FNBP1: variants seen among roughly 807,000 people sequenced by gnomAD.
FNBP1 encodes formin binding protein 1.
FNBP1 carries 26 observed loss-of-function variants against 90.6 expected under a neutral mutation model. That is an observed-to-expected ratio of 0.29 (90% CI 0.21 to 0.40). The LOEUF (loss-of-function observed/expected upper bound fraction) is 0.40. Ranked by LOEUF, FNBP1 falls within the 10% of genes least tolerant of loss-of-function variation. FNBP1 has a pLI of 1.00. For missense variants in FNBP1, 635 were observed against 768.0 expected (o/e 0.83, Z 2.05); for synonymous variants, 260 against 265.2 (o/e 0.98, Z 0.19).
intron 1 of FNBP1, among the ~76,000 whole-genome samples, chr9:130,025,892 C>G (rs1011905407): frequency 2.6e-5 from 4 of 151,984 alleles, no homozygotes; most frequent in Admixed American, 2.6e-4. Context: ...CCACTGCACT[C>G]CAGCCTGGGT....
At position 130,043,095 on chromosome 9, in the gene FNBP1, C is replaced by A; in HGVS notation, c.-120G>T. 2 of 905,370 alleles carry A rather than the reference C, an allele frequency of 2.2e-6. No homozygotes were observed. The highest frequency in any genetic ancestry group is 3.4e-5 in the East Asian group (1 of 29,568). 56.1% of individuals were successfully genotyped at this position (905,370 alleles called of 1,614,324 possible). A position where few individuals can be genotyped will look rare whatever the true frequency, so the allele number is the denominator to read the frequency against. ...GGCGGAAAGCCCGGAGTCCGCGCGG[C>A]CTCCTCCGGCTCGCAGCTCCTCGCC... On this transcript the variant is annotated 5_prime_UTR_variant, in exon 1 of 17. Transcript: ENST00000446176.
chr9:129,935,326 T>A (rs1167359318), intron 6 of FNBP1, among the ~76,000 whole-genome samples: 1 of 151,954 alleles, frequency 6.6e-6, no homozygotes, highest in African/African-American at 2.4e-5. Context: ...TCCTTAATAT[T>A]TCAAAATATT....
upstream of FNBP1, among the ~76,000 whole-genome samples, chr9:130,047,071 C>A (rs550794690): frequency 3.3e-5 from 5 of 152,076 alleles, no homozygotes; most frequent in Non-Finnish European, 7.4e-5. Context: ...TTTGTGATAT[C>A]TGACACTATC....
chr9:129,954,798 A>C (rs1470933879), intron 6 of FNBP1, among the ~76,000 whole-genome samples: 7 of 152,176 alleles, frequency 4.6e-5, no homozygotes, highest in Non-Finnish European at 8.8e-5. Context: ...GGAGTTTGAG[A>C]CCAGCCTGGC....
intron 11 of FNBP1, among the ~76,000 whole-genome samples, chr9:129,913,887 GTT>G (rs10718855): frequency 4.0e-5 from 6 of 148,876 alleles, no homozygotes; most frequent in Admixed American, 6.7e-5. Flanking sequence ...TTGTTTTATA[GTT>G]TTTTTTTTTG....
intron 2 of FNBP1, among the ~76,000 whole-genome samples, chr9:129,980,732 T>C (rs867279275): frequency 6.7e-4 from 101 of 149,890 alleles, no homozygotes; most frequent in African/African-American, 2.3e-3. Flanking sequence ...TCCTGGGTCC[T>C]GACTTTAGGT....
chr9:129,922,764 T>G lies in FNBP1; in HGVS notation c.1170+1080A>C, dbSNP rs75582101. 9.2e-3 allele frequency among the ~76,000 whole-genome samples: 1,409 copies of G among 152,346 alleles called. 22 individuals carry two copies. The highest frequency in any genetic ancestry group is 0.032 in the African/African-American group (1,336 of 41,582). On this transcript the variant is annotated intron_variant, in intron 10 of 16. Transcript: ENST00000446176. ...CTCTTCTCCTTTCGACCCTGAGGCA[T>G]AGCTCAGGCAAGTATCTTCATTACA...
At chr9:129,937,893 T>C (rs1480345079) in intron 6 of FNBP1, among the ~76,000 whole-genome samples, 1 of 152,064 alleles carries the variant, frequency 6.6e-6, no homozygotes, top group African/African-American at 2.4e-5. Flanking sequence ...CTGGCCGCGG[T>C]GGCTCATGCC....
At chr9:129,949,867 C>T (rs1044574518) in intron 6 of FNBP1, among the ~76,000 whole-genome samples, 4 of 152,080 alleles carry the variant, frequency 2.6e-5, no homozygotes, top group South Asian at 2.1e-4. Flanking sequence ...AAAAAATGAA[C>T]GTATGCTTAT....
At chr9:130,052,918 CA>C in the FNBP1 span, among the ~76,000 whole-genome samples, 1 of 151,896 alleles carries the variant, frequency 6.6e-6, no homozygotes, top group African/African-American at 2.4e-5. Flanking sequence ...AGTTCGAGAC[CA>C]GCCTGGCCAA....
chr9:130,009,879 T>C (rs553194203), intron 1 of FNBP1, among the ~76,000 whole-genome samples: 3 of 150,576 alleles, frequency 2.0e-5, no homozygotes, highest in African/African-American at 7.3e-5. Context: ...CTCAGGAGGC[T>C]GAGGCAAGAG....
intron 1 of FNBP1, among the ~76,000 whole-genome samples, chr9:130,033,094 GT>G (rs1249437755): frequency 5.3e-5 from 8 of 152,070 alleles, no homozygotes; most frequent in African/African-American, 1.2e-4. Flanking sequence ...AGGGACCAGA[GT>G]TTTTTTCATT....
At chr9:129,917,386 A>G (rs2040421236) in intron 10 of FNBP1, among the ~76,000 whole-genome samples, 1 of 151,942 alleles carries the variant, frequency 6.6e-6, no homozygotes. Flanking sequence ...GGCAGGTTGC[A>G]TGGTGGCACA....
intron 1 of FNBP1, among the ~76,000 whole-genome samples, chr9:130,002,470 T>G (rs1012199740): frequency 6.6e-6 from 1 of 152,122 alleles, no homozygotes; most frequent in Non-Finnish European, 1.5e-5. Flanking sequence ...TCTTGCTCTA[T>G]GAGTCCTGGC....
intron 1 of FNBP1, among the ~76,000 whole-genome samples, chr9:130,005,382 CA>C (rs1355387114): frequency 2.1e-5 from 3 of 143,008 alleles, no homozygotes; most frequent in East Asian, 4.1e-4. Flanking sequence ...CGCTCTGTTG[CA>C]CAGGCTGGAG....
chr9:130,035,103 C>T (rs1175844146), intron 1 of FNBP1, among the ~76,000 whole-genome samples: 10 of 152,062 alleles, frequency 6.6e-5, no homozygotes, highest in African/African-American at 2.2e-4. Flanking sequence ...GAGTCGAGAT[C>T]GTGCCACTGC....
At chr9:129,967,269 A>G (rs534358984) in intron 4 of FNBP1, among the ~76,000 whole-genome samples, 1 of 152,318 alleles carries the variant, frequency 6.6e-6, no homozygotes, top group Admixed American at 6.5e-5. Flanking sequence ...TGATCCCAGC[A>G]CTATGGGAGG....
At chr9:129,998,980 T>C (rs2054431270) in intron 1 of FNBP1, among the ~76,000 whole-genome samples, 1 of 152,210 alleles carries the variant, frequency 6.6e-6, no homozygotes, top group African/African-American at 2.4e-5. Flanking sequence ...AGCAGAGTTC[T>C]TTTGATGCTC....
In FNBP1 at chr9:129,960,398, AAAAAAGAAAAAG is replaced by A. The variant is rs1226735948; in HGVS notation, c.346-1857_346-1846del. On this transcript the variant is annotated intron_variant, in intron 4 of 16. Transcript: ENST00000446176. ...GACTCCATCTCAAAAAAAAAAAAAAAAAAAAGAAAAAGAAAAAGAAAAAGAAAAAGAAAATTG... is the reference window on the plus strand; with the variant it reads ...GACTCCATCTCAAAAAAAAAAAAAAAAAAAAGAAAAAGAAAAAGAAAATTG... 3.0e-3 allele frequency among the ~76,000 whole-genome samples: 392 copies of A among 132,140 alleles called. 8 individuals carry two copies. The highest frequency in any genetic ancestry group is 3.2e-3 in the Admixed American group (39 of 12,050). 86.7% of individuals were successfully genotyped at this position (132,140 alleles called of 152,430 possible).
Sources: allele counts gnomAD v4.1 joint callset (sites outside exome capture counted in the v4.1 genomes callset), GRCh38; gene constraint gnomAD v4.1.1; transcripts MANE v1.5; gene names NCBI Gene and HGNC (gene_info 2026-07-23, HGNC 2026-07-21).